Variants in NPIPB2 observed in about 807,000 individuals in gnomAD.
The protein encoded by NPIPB2 is nuclear pore complex-interacting protein family member B2.
In NPIPB2, 27 loss-of-function variants were observed where a neutral mutation model predicts 30.8. That is an observed-to-expected ratio of 0.88 (90% CI 0.65 to 1.21). NPIPB2 has a LOEUF of 1.21. Ranked by LOEUF, NPIPB2 falls within the 50% of genes most tolerant of loss-of-function variation. The pLI is 0.00. For synonymous variants in NPIPB2, 147 were observed against 162.0 expected (o/e 0.91, Z 0.70); for missense variants, 440 against 446.2 (o/e 0.99, Z 0.13).
chr16:11,966,226 G>C (rs200361156), intron 1 of NPIPB2: 1 of 1,613,648 alleles, frequency 6.2e-7, no homozygotes, highest in East Asian at 2.2e-5. Context: ...GAACGAATGC[G>C]ATTCTCTGGA....
At chr16:11,954,649 T>A (rs888611900) in intron 1 of NPIPB2, among the ~76,000 whole-genome samples, 1 of 152,198 alleles carries the variant, frequency 6.6e-6, no homozygotes, top group African/African-American at 2.4e-5. Flanking sequence ...GGCTCACGCC[T>A]CTAATCCCAG....
At chr16:11,932,347 G>A (rs546158683) in intron 4 of NPIPB2, among the ~76,000 whole-genome samples, 1,964 of 150,222 alleles carry the variant, frequency 0.013, 36 homozygotes, top group African/African-American at 0.045. Context: ...TGAATCTGGA[G>A]GTGACCCAAG....
At chr16:11,975,068 C>T (rs188203641) in intron 1 of NPIPB2, among the ~76,000 whole-genome samples, 9 of 146,466 alleles carry the variant, frequency 6.1e-5, no homozygotes, top group Admixed American at 6.1e-4. Context: ...GAGCGAGATG[C>T]CGTCTCAAAA....
upstream of NPIPB2, among the ~76,000 whole-genome samples, chr16:11,944,878 T>C (rs2054988556): frequency 6.6e-6 from 1 of 151,148 alleles, no homozygotes; most frequent in South Asian, 2.1e-4. Flanking sequence ...CTTGGAGATG[T>C]GTTAAAGATA....
intron 1 of NPIPB2, among the ~76,000 whole-genome samples, chr16:11,972,527 A>G (rs908816508): frequency 1.3e-5 from 2 of 152,044 alleles, no homozygotes; most frequent in African/African-American, 4.8e-5. Context: ...GTGAGCTGAG[A>G]TCACACCACT....
At chr16:11,956,977 TTTAA>T (rs1268215961) in intron 1 of NPIPB2, among the ~76,000 whole-genome samples, 1 of 152,136 alleles carries the variant, frequency 6.6e-6, no homozygotes, top group Non-Finnish European at 1.5e-5. Context: ...TATTTTTATT[TTTAA>T]TTAATTAATT....
At chr16:11,932,030 C>A (rs1011441406) in intron 4 of NPIPB2, among the ~76,000 whole-genome samples, 1 of 151,028 alleles carries the variant, frequency 6.6e-6, no homozygotes, top group Non-Finnish European at 1.5e-5. Flanking sequence ...GCGACCCATA[C>A]TGAAGTCCAC....
At chr16:11,971,737 T>C (rs989032315) in intron 1 of NPIPB2, among the ~76,000 whole-genome samples, 4 of 152,004 alleles carry the variant, frequency 2.6e-5, no homozygotes, top group Non-Finnish European at 4.4e-5. Flanking sequence ...TCAAGTGATC[T>C]GCTCTCCTCA....
intron 1 of NPIPB2, among the ~76,000 whole-genome samples, chr16:11,970,246 T>C (rs2055227911): frequency 6.6e-6 from 1 of 152,164 alleles, no homozygotes; most frequent in Non-Finnish European, 1.5e-5. Context: ...GAAGTCTCAC[T>C]CTGTCGCCCA....
At chr16:11,965,541 C>T in intron 1 of NPIPB2, 3 of 1,350,052 alleles carry the variant, frequency 2.2e-6, no homozygotes, top group Non-Finnish European at 2.0e-6. Flanking sequence ...ACATAATGGG[C>T]ATGATGGTGA....
At chr16:11,946,222 C>T (rs2055007812), upstream of NPIPB2, among the ~76,000 whole-genome samples, 2 of 151,448 alleles carry the variant, frequency 1.3e-5, no homozygotes, top group Admixed American at 6.6e-5. Flanking sequence ...CCTGTCTCTA[C>T]TAAAAATGCA....
intron 1 of NPIPB2, chr16:11,941,740 C>T (rs1369546389): frequency 5.9e-6 from 5 of 841,054 alleles, no homozygotes; most frequent in African/African-American, 5.3e-5. Context: ...TCACAATGGA[C>T]ATGCCAAGTA....
chr16:11,953,441 C>T (rs1004321731), intron 1 of NPIPB2, among the ~76,000 whole-genome samples: 1 of 149,972 alleles, frequency 6.7e-6, no homozygotes, highest in Non-Finnish European at 1.5e-5. Flanking sequence ...CTCCCAGGTT[C>T]CCAGGTTCAA....
At chr16:11,952,184 A>AAAAC (rs2055073196) in intron 1 of NPIPB2, among the ~76,000 whole-genome samples, 1 of 146,008 alleles carries the variant, frequency 6.8e-6, no homozygotes, top group Admixed American at 6.9e-5. Context: ...ACAAAAAAAA[A>AAAAC]AACAAAGAAA....
intron 1 of NPIPB2, among the ~76,000 whole-genome samples, chr16:11,938,551 A>C (rs11642071): frequency 1.3e-5 from 2 of 149,790 alleles, no homozygotes; most frequent in African/African-American, 2.5e-5. Context: ...GGGTGGTCTC[A>C]AACTCCTGAC....
intron 1 of NPIPB2, chr16:11,966,435 T>A (rs1391047596): frequency 7.8e-7 from 1 of 1,286,456 alleles, no homozygotes; most frequent in Non-Finnish European, 1.1e-6. Flanking sequence ...ACTATTTCAC[T>A]TCGTTACAGC....
At chr16:11,960,821 T>G (rs1341103104) in intron 1 of NPIPB2, among the ~76,000 whole-genome samples, 2 of 152,058 alleles carry the variant, frequency 1.3e-5, no homozygotes, top group Non-Finnish European at 2.9e-5. Flanking sequence ...TAACTCAGGC[T>G]AAAATCTCTC....
chr16:11,975,885 C>T (rs1596512649), intron 1 of NPIPB2, among the ~76,000 whole-genome samples: 1 of 151,876 alleles, frequency 6.6e-6, no homozygotes, highest in Non-Finnish European at 1.5e-5. Context: ...TGAGTCACCG[C>T]GTCCGGCCTA....
chr16:11,943,506 A>C (rs1181736081), upstream of NPIPB2, among the ~76,000 whole-genome samples: 1 of 151,778 alleles, frequency 6.6e-6, no homozygotes, highest in Non-Finnish European at 1.5e-5. Context: ...GTTCGAGACC[A>C]GACTGACCAA....
Sources: gnomAD v4.1 joint callset for allele counts (sites outside exome capture counted in the v4.1 genomes callset) on GRCh38, gnomAD v4.1.1 for gene constraint, MANE v1.5 for transcripts, NCBI Gene and HGNC (gene_info 2026-07-23, HGNC 2026-07-21) for gene names.